Variants in CACNA2D2 observed in about 807,000 individuals in gnomAD.
CACNA2D2 encodes the protein calcium voltage-gated channel auxiliary subunit alpha2delta 2, also known as voltage-dependent calcium channel subunit alpha-2/delta-2.
A neutral mutation model predicts 166.4 loss-of-function variants in CACNA2D2; 48 were observed. The observed-to-expected ratio is 0.29, with a 90% CI of 0.23 to 0.37. CACNA2D2 has a LOEUF of 0.37. Ranked by LOEUF, CACNA2D2 falls within the 10% of genes least tolerant of loss-of-function variation. CACNA2D2 has a pLI of 1.00. For synonymous variants in CACNA2D2, 561 were observed against 573.7 expected, an observed-to-expected ratio of 0.98 and a Z score of 0.32; for missense variants, 1,122 against 1,433.0, an observed-to-expected ratio of 0.78 and a Z score of 3.50.
intron 3 of CACNA2D2, among the ~76,000 whole-genome samples, chr3:50,411,113 C>T (rs1263377961): frequency 2.6e-5 from 4 of 152,156 alleles, no homozygotes; most frequent in South Asian, 2.1e-4. Context: ...GACCTATAGG[C>T]TCCACCACCT....
chr3:50,491,583 G>A (rs1698524062), intron 1 of CACNA2D2, among the ~76,000 whole-genome samples: 2 of 152,230 alleles, frequency 1.3e-5, no homozygotes, highest in Non-Finnish European at 2.9e-5. Context: ...GAAGGATGGA[G>A]AGGTGGGAGA....
At chr3:50,410,586 GGCCCA>G (rs1486863539) in intron 3 of CACNA2D2, among the ~76,000 whole-genome samples, 7 of 152,268 alleles carry the variant, frequency 4.6e-5, no homozygotes, top group Admixed American at 1.3e-4. Flanking sequence ...TGCTCTGCCT[GGCCCA>G]GGCCTGCCAG....
At chr3:50,459,471 A>G (rs57415469) in intron 2 of CACNA2D2, among the ~76,000 whole-genome samples, 13,340 of 152,130 alleles carry the variant, frequency 0.088, 1,781 homozygotes, top group African/African-American at 0.29. Context: ...GCATCAGCCC[A>G]GGGCACTCCT....
At chr3:50,470,939 A>T (rs1358201090) in intron 2 of CACNA2D2, among the ~76,000 whole-genome samples, 1 of 152,132 alleles carries the variant, frequency 6.6e-6, no homozygotes, top group Non-Finnish European at 1.5e-5. Context: ...GGTGCCAAGC[A>T]AGAGGACCAT....
At chr3:50,489,045 C>T (rs1476111863) in intron 1 of CACNA2D2, among the ~76,000 whole-genome samples, 2 of 152,158 alleles carry the variant, frequency 1.3e-5, no homozygotes, top group African/African-American at 4.8e-5. Flanking sequence ...AACATCATCT[C>T]CTGAGAACAG....
At chr3:50,459,014 A>T (rs1232031118) in intron 2 of CACNA2D2, among the ~76,000 whole-genome samples, 2 of 152,250 alleles carry the variant, frequency 1.3e-5, no homozygotes, top group Admixed American at 1.3e-4. Flanking sequence ...TGCAGGGGAC[A>T]GGGCCAGAGC....
chr3:50,425,790 T>TC (rs1181611880), intron 3 of CACNA2D2, among the ~76,000 whole-genome samples: 2 of 152,050 alleles, frequency 1.3e-5, no homozygotes, highest in South Asian at 4.2e-4. Context: ...CACATACATC[T>TC]CCCTCCCTGG....
chr3:50,458,974 G>A (rs1306713054), intron 2 of CACNA2D2, among the ~76,000 whole-genome samples: 1 of 152,266 alleles, frequency 6.6e-6, no homozygotes, highest in Non-Finnish European at 1.5e-5. Context: ...GCTGAGCTGG[G>A]GCATGTGTTA....
chr3:50,383,473 T>C (rs1254019835), intron 6 of CACNA2D2, among the ~76,000 whole-genome samples: 1 of 152,204 alleles, frequency 6.6e-6, no homozygotes, highest in East Asian at 1.9e-4. Context: ...GAGCTCCCCA[T>C]CCAGTGTTTG....
Position 50,375,665 on chromosome 3 carries a change from G to T in CACNA2D2, c.1886C>A (p.Pro629His). Reference sequence around the variant, plus strand: ...TTACCTGTAGTTAGTGCTCCTTATAGGCACCCAGGTGTAGTTCCGTGTCAC... The same window carrying T: ...TTACCTGTAGTTAGTGCTCCTTATATGCACCCAGGTGTAGTTCCGTGTCAC... ...DEVTRNYTWVPIRSTNYSLGL... is the reference protein window; with the variant it reads ...DEVTRNYTWVHIRSTNYSLGL... The change falls in exon 21 of 38, where the codon CCT (proline) becomes CAT (histidine). Residue 629 changes from proline to histidine, a missense_variant. Pro to His is a moderately conservative substitution (Grantham distance 77). Coordinates refer to ENST00000424201, the MANE Select transcript of CACNA2D2 (RefSeq NM_006030.4). This position sits in a 1 kb window ranked among gnomAD's most constrained non-coding sequence, Gnocchi z 4.0. 1 of 1,613,002 alleles carries T rather than the reference G, an allele frequency of 6.2e-7. No individual in the cohort carries two copies. The highest frequency in any genetic ancestry group is 8.5e-7 in the Non-Finnish European group (1 of 1,179,748).
chr3:50,418,112 G>A (rs768700989), intron 3 of CACNA2D2, among the ~76,000 whole-genome samples: 20 of 152,222 alleles, frequency 1.3e-4, no homozygotes, highest in South Asian at 8.3e-4. Context: ...CAAAGAGACC[G>A]CACCCTGCCC....
intron 4 of CACNA2D2, among the ~76,000 whole-genome samples, chr3:50,390,834 AG>A (rs1440603202): frequency 1.3e-5 from 2 of 152,192 alleles, no homozygotes; most frequent in African/African-American, 2.4e-5. Context: ...GAGCGGGGGA[AG>A]GACAGTTGCC....
At chr3:50,403,408 G>T (rs1706544219) in intron 3 of CACNA2D2, among the ~76,000 whole-genome samples, 1 of 152,038 alleles carries the variant, frequency 6.6e-6, no homozygotes, top group African/African-American at 2.4e-5. Flanking sequence ...TTATGCCAAC[G>T]GGCTGCCCTT....
rs74785038 is a variant in CACNA2D2, at chr3:50,474,332, T to C, written c.288+1786A>G. Among the ~76,000 whole-genome samples the C allele has an allele frequency of 8.5e-5, 13 of 152,342 alleles. No individual in the cohort carries two copies. In the East Asian group the frequency reaches 2.5e-3, roughly 29 times the overall value. ...TTTCCAAAAAAGGGGCGTATCTGTA[T>C]CAGCCTGTCCATTGCTGTTTTCACC... On this transcript the variant is annotated intron_variant, in intron 2 of 37. Coordinates refer to ENST00000424201, the MANE Select transcript of CACNA2D2 (RefSeq NM_006030.4).
intron 1 of CACNA2D2, among the ~76,000 whole-genome samples, chr3:50,497,828 G>C (rs1698785912): frequency 6.6e-6 from 1 of 152,002 alleles, no homozygotes; most frequent in South Asian, 2.1e-4. Flanking sequence ...AGAGAAGAAG[G>C]GAAGCAAAAA....
chr3:50,453,932 A>G (rs1442140210), intron 2 of CACNA2D2, among the ~76,000 whole-genome samples: 1 of 150,936 alleles, frequency 6.6e-6, no homozygotes, highest in Non-Finnish European at 1.5e-5. Flanking sequence ...CACGGTGGAC[A>G]CGACCAGGCC....
At chr3:50,492,832 G>GA (rs1485853703) in intron 1 of CACNA2D2, among the ~76,000 whole-genome samples, 4 of 151,990 alleles carry the variant, frequency 2.6e-5, no homozygotes, top group Non-Finnish European at 5.9e-5. Context: ...GGGTTGCCTG[G>GA]AGGAGGTGAG....
intron 3 of CACNA2D2, among the ~76,000 whole-genome samples, chr3:50,419,534 C>T (rs1707447656): frequency 6.6e-6 from 1 of 152,208 alleles, no homozygotes; most frequent in Non-Finnish European, 1.5e-5. Context: ...CCTGTGGGCC[C>T]TTCCCATCCT....
intron 3 of CACNA2D2, among the ~76,000 whole-genome samples, chr3:50,407,860 G>A (rs1296230207): frequency 1.3e-5 from 2 of 152,248 alleles, no homozygotes; most frequent in African/African-American, 2.4e-5. Flanking sequence ...AGGGGATAAG[G>A]GAAGTAATGC....
Sources: allele counts gnomAD v4.1 joint callset (sites outside exome capture counted in the v4.1 genomes callset), GRCh38; gene constraint gnomAD v4.1.1; non-coding constraint Gnocchi (gnomAD v3.1); transcripts MANE v1.5; gene names NCBI Gene and HGNC (gene_info 2026-07-23, HGNC 2026-07-21).